The following LITAF variants were observed in gnomAD, a reference collection of about 807,000 sequenced individuals.
The protein encoded by LITAF is lipopolysaccharide-induced tumor necrosis factor-alpha factor.
In LITAF, 9 loss-of-function variants were observed where a neutral mutation model predicts 14.5. The ratio of observed to expected loss-of-function variants is 0.62; its 90% CI spans 0.37 to 1.08. The LOEUF (loss-of-function observed/expected upper bound fraction) is 1.08. Ranked by LOEUF, LITAF falls within the 50% of genes least tolerant of loss-of-function variation. LITAF has a pLI of 0.01. For missense variants in LITAF, 206 were observed against 213.4 expected (o/e 0.97, Z 0.22); for synonymous variants, 98 against 88.2 (o/e 1.11, Z -0.62).
intron 3 of LITAF, among the ~76,000 whole-genome samples, chr16:11,626,701 C>A (rs888410982): frequency 2.0e-5 from 3 of 151,856 alleles, no homozygotes; most frequent in East Asian, 1.9e-4. Context: ...CGAACTCCCA[C>A]CCTCAGGTGA....
chr16:11,550,919 C>T (rs1459532844), intron 3 of LITAF, among the ~76,000 whole-genome samples: 1 of 152,196 alleles, frequency 6.6e-6, no homozygotes, highest in Non-Finnish European at 1.5e-5. Flanking sequence ...TCCCGTAAAA[C>T]TTAAAACAGG....
intron 1 of LITAF, among the ~76,000 whole-genome samples, chr16:11,565,728 C>A (rs1306469261): frequency 6.6e-6 from 1 of 152,086 alleles, no homozygotes; most frequent in Non-Finnish European, 1.5e-5. Context: ...GCGTCTCCCG[C>A]CACACCTGCC....
chr16:11,547,768 C>T lies in LITAF; in HGVS notation c.*1869G>A, dbSNP rs1321058621. 2 of 453,618 alleles carry T rather than the reference C, an allele frequency of 4.4e-6. No individual in the cohort carries two copies. Among genetic ancestry groups the T allele is most frequent in the African/African-American group, 2.0e-5 (1 of 50,128 alleles). The allele number at this position is 453,618 out of a possible 1,614,324, so 28.1% of individuals were successfully genotyped here. On this transcript the variant is annotated 3_prime_UTR_variant, in exon 4 of 4. Coordinates refer to ENST00000622633, the MANE Select transcript of LITAF (RefSeq NM_001136472.2). ...AAAACTTGAAAGCTATGGCTTGCCG[C>T]CATCAATGACGCCTATTGGGTTCCA... is the stretch of plus-strand genomic sequence containing the variant.
intron 1 of LITAF, among the ~76,000 whole-genome samples, chr16:11,569,801 G>A (rs1159186160): frequency 6.6e-6 from 1 of 152,218 alleles, no homozygotes; most frequent in East Asian, 1.9e-4. Context: ...GGGAGACAGA[G>A]GCAGGTGGAT....
chr16:11,588,521 G>GAA (rs1213450078), upstream of LITAF, among the ~76,000 whole-genome samples: 1 of 81,962 alleles, frequency 1.2e-5, no homozygotes, highest in African/African-American at 4.6e-5. Flanking sequence ...AAAAGAGAAA[G>GAA]AAAAAAAAAA....
upstream of LITAF, among the ~76,000 whole-genome samples, chr16:11,591,860 A>T (rs1298020997): frequency 6.6e-6 from 1 of 152,198 alleles, no homozygotes; most frequent in Admixed American, 6.5e-5. Context: ...AAGTGCTGAG[A>T]TTACAGGCAT....
upstream of LITAF, among the ~76,000 whole-genome samples, chr16:11,598,953 G>A (rs1030278159): frequency 1.3e-5 from 2 of 151,624 alleles, no homozygotes; most frequent in Non-Finnish European, 1.5e-5. Context: ...TCAAGTAGCT[G>A]GGATTACAGG....
intron 2 of LITAF, 147 bp downstream of exon 2, chr16:11,556,364 G>T: frequency 1.5e-6 from 1 of 653,034 alleles, no homozygotes; most frequent in Non-Finnish European, 2.7e-6. Context: ...CTAAAAGACT[G>T]CGTGTGGAAT....
chr16:11,616,540 T>C (rs781439871), intron 3 of LITAF, among the ~76,000 whole-genome samples: 12 of 151,460 alleles, frequency 7.9e-5, no homozygotes, highest in South Asian at 4.2e-4. Flanking sequence ...TAACAAAAGA[T>C]GTACCTCTCA....
chr16:11,632,996 G>A lies in LITAF; in HGVS notation c.85+537C>T, dbSNP rs889563606. 6.6e-6 allele frequency among the ~76,000 whole-genome samples: 1 copy of A among 152,194 alleles called. No homozygotes were observed. The highest frequency in any genetic ancestry group is 1.5e-5 in the Non-Finnish European group (1 of 68,024). ...GTCTTAGATAGGAAAGGACGGCCTG[G>A]GATCCTGCACCCATGATACCCTCTT... On this transcript the variant is annotated intron_variant, in intron 3 of 3. Coordinates refer to the LITAF transcript ENST00000574848. This position sits in a 1 kb window ranked among gnomAD's most constrained non-coding sequence, Gnocchi z 4.8.
chr16:11,591,534 T>C (rs951177895), upstream of LITAF, among the ~76,000 whole-genome samples: 3 of 151,788 alleles, frequency 2.0e-5, no homozygotes, highest in African/African-American at 7.3e-5. Flanking sequence ...AATCAAAGCA[T>C]GTGGTTCTGG....
chr16:11,589,062 G>A (rs1338600544), upstream of LITAF, among the ~76,000 whole-genome samples: 2 of 152,092 alleles, frequency 1.3e-5, no homozygotes, highest in African/African-American at 4.8e-5. Flanking sequence ...ACTTACCACG[G>A]CTGTGAGCTT....
intron 1 of LITAF, among the ~76,000 whole-genome samples, chr16:11,597,810 GC>G (rs1200957149): frequency 1.3e-5 from 2 of 152,152 alleles, no homozygotes; most frequent in Non-Finnish European, 2.9e-5. Context: ...CCCCGCTCCA[GC>G]CCCGTCATTT....
chr16:11,599,457 C>G (rs2064914197), upstream of LITAF, among the ~76,000 whole-genome samples: 1 of 152,056 alleles, frequency 6.6e-6, no homozygotes, highest in Non-Finnish European at 1.5e-5. Flanking sequence ...CCCCTTCCAC[C>G]CAAAACAAAA....
intron 3 of LITAF, among the ~76,000 whole-genome samples, chr16:11,550,083 G>T (rs1040611958): frequency 2.0e-5 from 3 of 152,162 alleles, no homozygotes; most frequent in Non-Finnish European, 4.4e-5. Context: ...AGGAGGGAGC[G>T]TGGCCCTGCT....
intron 2 of LITAF, among the ~76,000 whole-genome samples, chr16:11,554,787 CAA>C (rs56346206): frequency 0.013 from 842 of 64,482 alleles, 8 homozygotes; most frequent in African/African-American, 0.046. Context: ...GACTCTACCT[CAA>C]AAAAAAAAAA....
intron 3 of LITAF, among the ~76,000 whole-genome samples, chr16:11,613,134 G>A (rs2064993096): frequency 6.6e-6 from 1 of 152,146 alleles, no homozygotes; most frequent in Admixed American, 6.6e-5. Context: ...CCATCTCCTG[G>A]GTTCAAGCGA....
chr16:11,626,291 G>A (rs185252999), intron 3 of LITAF, among the ~76,000 whole-genome samples: 214 of 152,162 alleles, frequency 1.4e-3, no homozygotes, highest in African/African-American at 5.0e-3. Context: ...CAATTCTCCT[G>A]CCTCAGCCTC....
intron 3 of LITAF, among the ~76,000 whole-genome samples, chr16:11,613,013 G>C (rs1173635102): frequency 6.6e-6 from 1 of 152,096 alleles, no homozygotes; most frequent in African/African-American, 2.4e-5. Flanking sequence ...CTTCACTCTA[G>C]GTTTTTCTTT....
Sources: allele counts gnomAD v4.1 joint callset (sites outside exome capture counted in the v4.1 genomes callset), GRCh38; gene constraint gnomAD v4.1.1; non-coding constraint Gnocchi (gnomAD v3.1); transcripts MANE v1.5; gene names NCBI Gene and HGNC (gene_info 2026-07-23, HGNC 2026-07-21).